HECW2: variants seen among roughly 807,000 people sequenced by gnomAD.
HECW2 encodes the protein HECT, C2 and WW domain containing E3 ubiquitin protein ligase 2.
HECW2 carries 61 observed loss-of-function variants against 175.2 expected under a neutral mutation model. The observed-to-expected ratio is 0.35, with a 90% confidence interval of 0.28 to 0.43. HECW2 has a LOEUF of 0.43. Ranked by LOEUF, HECW2 falls within the 20% of genes least tolerant of loss-of-function variation. HECW2 has a pLI of 1.00. For missense variants in HECW2, 1,524 were observed against 2,000.5 expected, an observed-to-expected ratio of 0.76 and a Z score of 4.54; for synonymous variants, 671 against 731.0, an observed-to-expected ratio of 0.92 and a Z score of 1.32.
intron 19 of HECW2, among the ~76,000 whole-genome samples, chr2:196,249,243 A>C (rs1404891870): frequency 6.6e-6 from 1 of 152,188 alleles, no homozygotes; most frequent in Non-Finnish European, 1.5e-5. Context: ...CATATTTGGC[A>C]TAATAAGCCA....
At chr2:196,378,278 T>C (rs1006375607) in intron 2 of HECW2, among the ~76,000 whole-genome samples, 1 of 152,168 alleles carries the variant, frequency 6.6e-6, no homozygotes, top group South Asian at 2.1e-4. Flanking sequence ...ACACACACAA[T>C]TTCATACAAT....
chr2:196,493,691 G>A (rs2125391420), intron 1 of HECW2, among the ~76,000 whole-genome samples: 1 of 152,296 alleles, frequency 6.6e-6, no homozygotes, highest in East Asian at 1.9e-4. Flanking sequence ...AGAGACAGAA[G>A]AGAAATATTT....
At chr2:196,516,178 A>G (rs909224891) in intron 1 of HECW2, among the ~76,000 whole-genome samples, 5 of 152,180 alleles carry the variant, frequency 3.3e-5, no homozygotes, top group Admixed American at 2.6e-4. Context: ...AAATATTTTT[A>G]GGTTGGATTA....
intron 10 of HECW2, 79 bp downstream of exon 10, chr2:196,317,195 T>G: frequency 8.3e-6 from 9 of 1,083,978 alleles, no homozygotes; most frequent in Non-Finnish European, 1.3e-5. Context: ...ATCCATCTTT[T>G]GAGACTCATG....
At chr2:196,354,062 C>T (rs1423991121) in intron 2 of HECW2, among the ~76,000 whole-genome samples, 1 of 152,156 alleles carries the variant, frequency 6.6e-6, no homozygotes, top group Non-Finnish European at 1.5e-5. Flanking sequence ...ATACTGTGGC[C>T]CTTTGCCCTC....
rs564064280 is a variant in HECW2, at chr2:196,563,059, T to G, written c.-36+30449A>C. ...AAAAATTAGAGAAAAGTACTAGCTT[T>G]GAGAAACACACCAGAAACCAGCCTC... On this transcript the variant is annotated intron_variant, in intron 1 of 28. Transcript: ENST00000644978. Among the ~76,000 whole-genome samples the G allele has an allele frequency of 3.9e-5, 6 of 152,160 alleles. No individual in the cohort carries two copies. In the South Asian group the frequency reaches 1.2e-3, roughly 32 times the overall value.
At chr2:196,366,732 T>A (rs1693755376) in intron 2 of HECW2, among the ~76,000 whole-genome samples, 1 of 152,206 alleles carries the variant, frequency 6.6e-6, no homozygotes, top group Non-Finnish European at 1.5e-5. Flanking sequence ...TAACGTTGCA[T>A]TAACTCCATA....
At chr2:196,470,394 G>A (rs1697148044) in intron 1 of HECW2, among the ~76,000 whole-genome samples, 1 of 152,120 alleles carries the variant, frequency 6.6e-6, no homozygotes, top group Admixed American at 6.6e-5. Flanking sequence ...TAAATTTAGG[G>A]ATATTTTGCA....
At chr2:196,270,535 G>A (rs1033087329) in intron 17 of HECW2, among the ~76,000 whole-genome samples, 2 of 152,148 alleles carry the variant, frequency 1.3e-5, no homozygotes, top group African/African-American at 2.4e-5. Flanking sequence ...ATATATCTCA[G>A]TTCAATAAAC....
chr2:196,323,504 T>A (rs1380967777), intron 6 of HECW2, among the ~76,000 whole-genome samples: 1 of 152,222 alleles, frequency 6.6e-6, no homozygotes, highest in Admixed American at 6.5e-5. Flanking sequence ...AACTTTTCAC[T>A]TAGGTGCCTC....
In HECW2 at chr2:196,277,880, A is replaced by G. The variant is rs1020214348; in HGVS notation, c.3135+648T>C. ...ATTCTCAGCAAACTATCACAAGAAC[A>G]AAAAACCAAACACCGCATATTCTCA... is the stretch of plus-strand genomic sequence containing the variant. On this transcript the variant is annotated intron_variant, in intron 15 of 28. Transcript: ENST00000644978. Among the ~76,000 whole-genome samples the G allele has an allele frequency of 4.7e-5, 7 of 149,524 alleles. No homozygotes were observed. In the Admixed American group the frequency reaches 4.7e-4, roughly 10 times the overall value.
At chr2:196,370,760 T>C (rs756396427) in intron 2 of HECW2, among the ~76,000 whole-genome samples, 63 of 152,196 alleles carry the variant, frequency 4.1e-4, no homozygotes, top group Non-Finnish European at 8.2e-4. Context: ...CCTCTGTGGG[T>C]GCCAGCTAGG....
chr2:196,203,403 C>T (rs17375180), intron 28 of HECW2, among the ~76,000 whole-genome samples: 38,542 of 151,994 alleles, frequency 0.25, 5,271 homozygotes, highest in Non-Finnish European at 0.28. Context: ...CTGTGAAACA[C>T]TGGAATAAAA....
At chr2:196,249,298 G>A (rs1688772214) in intron 19 of HECW2, among the ~76,000 whole-genome samples, 1 of 152,130 alleles carries the variant, frequency 6.6e-6, no homozygotes, top group Non-Finnish European at 1.5e-5. Flanking sequence ...CACTGAGGTT[G>A]GGATTGGCAT....
intron 1 of HECW2, among the ~76,000 whole-genome samples, chr2:196,563,257 T>G (rs931009082): frequency 2.2e-4 from 33 of 152,232 alleles, no homozygotes; most frequent in African/African-American, 7.2e-4. Flanking sequence ...TAACGTTATC[T>G]TAGTCACGTA....
chr2:196,228,088 G>GA lies in HECW2; in HGVS notation c.3917+13dup. ...AAATCGCCTGAAGAAAAGTGTTGGG[G>GA]AAAAAATACTTACCATTCATGGTGA... On this transcript the variant is annotated intron_variant, in intron 22 of 28. Transcript: ENST00000644978. 6.6e-7 allele frequency: 1 copy of GA among 1,515,366 alleles called. No homozygotes were observed. Among genetic ancestry groups the GA allele is most frequent in the Non-Finnish European group, 8.9e-7 (1 of 1,129,670 alleles). 93.9% of individuals were successfully genotyped at this position (1,515,366 alleles called of 1,614,324 possible).
At chr2:196,424,066 CTCTG>C (rs999181774) in intron 2 of HECW2, among the ~76,000 whole-genome samples, 1 of 151,944 alleles carries the variant, frequency 6.6e-6, no homozygotes, top group Non-Finnish European at 1.5e-5. Flanking sequence ...CACTTCATGT[CTCTG>C]TGTCACATTT....
chr2:196,367,140 T>C (rs1034911733), intron 2 of HECW2, among the ~76,000 whole-genome samples: 7 of 152,260 alleles, frequency 4.6e-5, no homozygotes, highest in African/African-American at 1.7e-4. Flanking sequence ...TGAACAAAAT[T>C]GGCATTTATA....
At chr2:196,272,962 T>C (rs1353260830) in intron 16 of HECW2, among the ~76,000 whole-genome samples, 1 of 151,844 alleles carries the variant, frequency 6.6e-6, no homozygotes, top group Non-Finnish European at 1.5e-5. Flanking sequence ...GCTTCTTAGG[T>C]CATGGGCATT....
Sources: allele counts gnomAD v4.1 joint callset (sites outside exome capture counted in the v4.1 genomes callset), GRCh38; gene constraint gnomAD v4.1.1; transcripts MANE v1.5; gene names NCBI Gene and HGNC (gene_info 2026-07-23, HGNC 2026-07-21).